Variants in YKT6 observed in about 807,000 individuals in gnomAD.
The protein encoded by YKT6 is YKT6 vesicular SNARE protein.
A neutral mutation model predicts 29.3 loss-of-function variants in YKT6; 12 were observed. The ratio of observed to expected loss-of-function variants is 0.41; its 90% CI spans 0.26 to 0.66. The LOEUF (loss-of-function observed/expected upper bound fraction) is 0.66. Among genes scored for constraint, YKT6 ranks in the 30% least tolerant of loss-of-function variants. The probability of loss-of-function intolerance (pLI) is 0.32; values close to 1 mark genes in which losing one functional copy is unlikely to be tolerated. For synonymous variants in YKT6, 86 were observed against 94.3 expected (o/e 0.91, Z 0.51); for missense variants, 188 against 243.8 (o/e 0.77, Z 1.52).
chr7:44,208,966 TTCTC>T (rs1273915193), intron 5 of YKT6, among the ~76,000 whole-genome samples: 1 of 152,160 alleles, frequency 6.6e-6, no homozygotes, highest in Non-Finnish European at 1.5e-5. Flanking sequence ...CTGGGCCCTG[TTCTC>T]TCTTATACCC....
chr7:44,201,178 A>G lies in YKT6; in HGVS notation c.43A>G (p.Lys15Glu), dbSNP rs2096335094. 1.2e-6 allele frequency: 2 copies of G among 1,612,746 alleles called. No homozygotes were observed. The highest frequency in any genetic ancestry group is 2.2e-5 in the South Asian group (2 of 90,862). ...CAGCGTCCTCTACAAAGGCGAGGCC[A>G]AGGTGGTGCTGCTCAAAGCCGCATA... The part of the protein sequence containing the change: ...SLSVLYKGEA[K>E]VVLLKAAYDV... The change falls in exon 1 of 7, where the codon AAG (lysine) becomes GAG (glutamate). Residue 15 changes from lysine to glutamate, a missense_variant. By Grantham distance (56) the Lys-to-Glu change is moderately conservative (BLOSUM62 1). This residue lies in a region of YKT6 where 71 missense variants were observed against 67.3 expected (regional missense o/e 1.05). Coordinates refer to ENST00000223369, the MANE Select transcript of YKT6 (RefSeq NM_006555.4).
chr7:44,208,377 C>A, intron 5 of YKT6, 179 bp downstream of exon 5: 1 of 612,498 alleles, frequency 1.6e-6, no homozygotes, highest in Non-Finnish European at 2.8e-6. Context: ...CTATACCCTT[C>A]TCTTGGTTAA....
At chr7:44,201,261 GC>G in intron 1 of YKT6, 22 bp downstream of exon 1, 4 of 1,604,676 alleles carry the variant, frequency 2.5e-6, no homozygotes, top group Non-Finnish European at 3.4e-6. Context: ...AGGCTGGTGG[GC>G]CGTGGCGGTC....
chr7:44,210,934 A>G (rs2096346122), intron 5 of YKT6, 89 bp from the exon 6 acceptor site: 1 of 1,370,138 alleles, frequency 7.3e-7, no homozygotes, highest in Non-Finnish European at 1.0e-6. Flanking sequence ...GAACCCAGGT[A>G]AGGCACTTTC....
At chr7:44,204,344 T>A (rs764951750) in intron 1 of YKT6, among the ~76,000 whole-genome samples, 1 of 152,166 alleles carries the variant, frequency 6.6e-6, no homozygotes, top group Admixed American at 6.5e-5. Flanking sequence ...ATTCACCTGT[T>A]TTGGTGAGCC....
At chr7:44,208,502 G>A (rs2096343345) in intron 5 of YKT6, 2 of 351,352 alleles carry the variant, frequency 5.7e-6, no homozygotes, top group African/African-American at 4.2e-5. Flanking sequence ...TTTGGCTTCT[G>A]AAGACCTGGA....
chr7:44,208,509 T>C lies in YKT6; in HGVS notation c.459+311T>C, dbSNP rs1011028713. The C allele has an allele frequency of 3.8e-5, 13 of 344,190 alleles. No homozygotes were observed. The Admixed American group carries it at 5.4e-4, about 14-fold the overall frequency. 21.3% of individuals were successfully genotyped at this position (344,190 alleles called of 1,614,324 possible). A position where few individuals can be genotyped will look rare whatever the true frequency, so the allele number is the denominator to read the frequency against. On this transcript the variant is annotated intron_variant, in intron 5 of 6. Coordinates refer to ENST00000223369, the MANE Select transcript of YKT6 (RefSeq NM_006555.4). ...TCCTAGGGTTTGGCTTCTGAAGACC[T>C]GGATTCCCACCCTGGTGCCTTTGTT...
At chr7:44,210,535 T>A (rs2096345552) in intron 5 of YKT6, among the ~76,000 whole-genome samples, 1 of 152,230 alleles carries the variant, frequency 6.6e-6, no homozygotes, top group African/African-American at 2.4e-5. Flanking sequence ...CTAAATATGG[T>A]CACATTCAGA....
intron 4 of YKT6, 141 bp from the exon 5 acceptor site, chr7:44,207,992 G>A: frequency 1.3e-6 from 1 of 798,530 alleles, no homozygotes; most frequent in African/African-American, 1.7e-5. Flanking sequence ...CCAAAATGCT[G>A]GGATTACAGG....
chr7:44,206,424 C>G lies in YKT6; in HGVS notation c.227C>G (p.Ala76Gly). The G allele has an allele frequency of 6.2e-7, 1 of 1,614,104 alleles. No homozygotes were observed. Residue 76 changes from alanine (A) to glycine (G), a missense_variant, in exon 3 of 7, where the codon GCA becomes GGA. Around this residue, in one of 3 missense-constraint regions of YKT6, gnomAD observed 100 missense variants for 136.3 expected, o/e 0.73. Coordinates refer to ENST00000223369, the MANE Select transcript of YKT6 (RefSeq NM_006555.4). ...CHVYVRNDSL[A>G]GVVIADNEYP... ...GTCTACGTCCGGAATGATAGTCTTG[C>G]AGGTGTGGTCATTGCTGACAATGAA...
rs1583647600 is a variant in YKT6 at position 44,207,442 on chromosome 7, C to T, written c.343C>T (p.Pro115Ser). The T allele has an allele frequency of 6.2e-7, 1 of 1,614,150 alleles. No individual in the cohort carries two copies. ...VDRIDWPVGS[P>S]ATIHYPALDG... ...CAGGATAGACTGGCCAGTAGGATCCCCTGCTACAATCCATTACCCAGCCCT... is the reference window on the plus strand; with the variant it reads ...CAGGATAGACTGGCCAGTAGGATCCTCTGCTACAATCCATTACCCAGCCCT... Residue 115 changes from proline to serine, a missense_variant, in exon 4 of 7, where the codon CCT (proline) becomes TCT (serine). Physicochemically the swap from Pro to Ser is moderately conservative, Grantham distance 74. Around this residue, in one of 3 missense-constraint regions of YKT6, gnomAD observed 100 missense variants for 136.3 expected, o/e 0.73. Transcript: ENST00000223369.
intron 3 of YKT6, 108 bp downstream of exon 3, chr7:44,206,593 G>C: frequency 9.8e-7 from 1 of 1,020,802 alleles, no homozygotes; most frequent in Non-Finnish European, 1.5e-6. Flanking sequence ...GAAATGATGT[G>C]TCCAAAGTCA....
chr7:44,211,232 A>G (rs1009055085), intron 6 of YKT6, 108 bp downstream of exon 6: 34 of 966,778 alleles, frequency 3.5e-5, no homozygotes, highest in Non-Finnish European at 5.2e-5. Flanking sequence ...AGACTGTTGA[A>G]TCATGGTGGA....
At chr7:44,202,565 T>C (rs372260657) in intron 1 of YKT6, among the ~76,000 whole-genome samples, 16 of 152,374 alleles carry the variant, frequency 1.1e-4, no homozygotes, top group East Asian at 3.9e-4. Context: ...CATAATGTCC[T>C]CAAGGCTCAT....
intron 4 of YKT6, among the ~76,000 whole-genome samples, chr7:44,207,784 T>A (rs2096342351): frequency 6.6e-6 from 1 of 152,014 alleles, no homozygotes; most frequent in Admixed American, 6.6e-5. Context: ...TGGAGTGCAG[T>A]GGCGCAATCT....
rs1215104005 is a variant in YKT6 at position 44,201,085 on chromosome 7, T to C, written c.-51T>C. ...GAGGGGCGGCGGCCGCGCTGCTCCC[T>C]GAGAACGGGTCCCGCAGCTGGGCAG... is the stretch of plus-strand genomic sequence containing the variant. On this transcript the variant is annotated 5_prime_UTR_variant, in exon 1 of 7. Coordinates refer to ENST00000223369, the MANE Select transcript of YKT6 (RefSeq NM_006555.4). 1 of 1,483,228 alleles carries C rather than the reference T, an allele frequency of 6.7e-7. No individual in the cohort carries two copies. Among genetic ancestry groups the C allele is most frequent in the South Asian group, 1.2e-5 (1 of 81,202 alleles). 91.9% of individuals were successfully genotyped at this position (1,483,228 alleles called of 1,614,324 possible). A position where few individuals can be genotyped will look rare whatever the true frequency, so the allele number is the denominator to read the frequency against.
intron 2 of YKT6, among the ~76,000 whole-genome samples, chr7:44,204,908 A>T (rs1562741986): frequency 6.6e-6 from 1 of 152,388 alleles, no homozygotes; most frequent in East Asian, 1.9e-4. Flanking sequence ...AGCAGCCTTC[A>T]TATCGTATTC....
chr7:44,206,769 G>A (rs543867035), intron 3 of YKT6, among the ~76,000 whole-genome samples: 132 of 152,154 alleles, frequency 8.7e-4, no homozygotes, highest in African/African-American at 2.9e-3. Flanking sequence ...TTGTGTTCTC[G>A]CCCCCTGTGC....
Position 44,211,027 on chromosome 7 carries a change from A to C in YKT6, c.464A>C (p.Asn155Thr). Residue 155 changes from asparagine (N) to threonine (T), a missense_variant, in exon 6 of 7, where the codon AAC (asparagine) becomes ACC (threonine). Transcript: ENST00000223369. ...TCTCTTTTCTTTTTTGTCCAGCACA[A>C]CACCATGGAGTCTCTGTTAGAGCGA... ...ELDETKIILH[N>T]TMESLLERGE... 1 of 1,614,008 alleles carries C rather than the reference A, an allele frequency of 6.2e-7. No individual in the cohort carries two copies. Among genetic ancestry groups the C allele is most frequent in the Non-Finnish European group, 8.5e-7 (1 of 1,179,996 alleles).
Sources: gnomAD v4.1 joint callset for allele counts (sites outside exome capture counted in the v4.1 genomes callset) on GRCh38, gnomAD v4.1.1 for gene constraint, gnomAD v4.1.1 regional missense constraint, MANE v1.5 for transcripts, NCBI Gene and HGNC (gene_info 2026-07-23, HGNC 2026-07-21) for gene names.